The following AP3S2 variants were observed in gnomAD, a reference collection of about 807,000 sequenced individuals.
AP3S2 encodes the protein AP-3 complex subunit sigma-2.
A neutral mutation model predicts 23.4 loss-of-function variants in AP3S2; 22 were observed. That is an observed-to-expected ratio of 0.94 (90% confidence interval 0.67 to 1.34). The LOEUF is 1.34. Among genes scored for constraint, AP3S2 ranks in the 40% most tolerant of loss-of-function variants. AP3S2 has a pLI of 0.00. For missense variants in AP3S2, 241 were observed against 236.9 expected (o/e 1.02, Z -0.11); for synonymous variants, 86 against 87.1 (o/e 0.99, Z 0.07).
In AP3S2 at chr15:89,832,108, T is replaced by A. The variant is rs1489154744; in HGVS notation, c.*3407A>T. On this transcript the variant is annotated 3_prime_UTR_variant, in exon 6 of 6. Coordinates refer to ENST00000336418, the MANE Select transcript of AP3S2 (RefSeq NM_005829.5). ...CACCAGGCACTTAGAAATTGCATAA[T>A]GAAAGAATTTCAGATTTTTATTAGT... 1 of 152,154 alleles carries A rather than the reference T, an allele frequency of 6.6e-6. No individual in the cohort carries two copies. 9.4% of individuals were successfully genotyped at this position (152,154 alleles called of 1,614,324 possible). A position where few individuals can be genotyped will look rare whatever the true frequency, so the allele number is the denominator to read the frequency against.
chr15:89,891,379 CTG>C (rs1211403557), intron 1 of AP3S2, among the ~76,000 whole-genome samples: 1 of 152,174 alleles, frequency 6.6e-6, no homozygotes. Flanking sequence ...CCACAATGAG[CTG>C]GGTGCGGTGG....
At chr15:89,841,766 A>T (rs1363704408) in intron 4 of AP3S2, among the ~76,000 whole-genome samples, 3 of 152,166 alleles carry the variant, frequency 2.0e-5, no homozygotes, top group African/African-American at 7.2e-5. Context: ...CTCCTCCAAC[A>T]AACATCCTGC....
chr15:89,862,581 T>C (rs754334791), intron 4 of AP3S2, among the ~76,000 whole-genome samples: 1 of 152,100 alleles, frequency 6.6e-6, no homozygotes, highest in African/African-American at 2.4e-5. Context: ...AAGAAGGACA[T>C]TACAGAAAAA....
At chr15:89,843,762 C>G (rs950092983) in intron 4 of AP3S2, among the ~76,000 whole-genome samples, 1 of 152,138 alleles carries the variant, frequency 6.6e-6, no homozygotes. Flanking sequence ...GAGCCAAGAT[C>G]GTGCCACTGC....
chr15:89,836,026 T>TCAAA (rs112350158), intron 5 of AP3S2, among the ~76,000 whole-genome samples: 2 of 151,618 alleles, frequency 1.3e-5, no homozygotes, highest in African/African-American at 4.9e-5. Flanking sequence ...AGACTCTGTC[T>TCAAA]CAAACAAACA....
At chr15:89,855,418 A>G (rs1201996583) in intron 4 of AP3S2, among the ~76,000 whole-genome samples, 1 of 92,012 alleles carries the variant, frequency 1.1e-5, no homozygotes, top group Non-Finnish European at 2.2e-5. Context: ...CTGCCTAGGA[A>G]AACCAGAGAC....
At chr15:89,874,103 T>C (rs1896385081) in intron 3 of AP3S2, among the ~76,000 whole-genome samples, 1 of 146,238 alleles carries the variant, frequency 6.8e-6, no homozygotes, top group Non-Finnish European at 1.5e-5. Flanking sequence ...AGGCTTTCTC[T>C]GTAGCTTAAG....
Position 89,889,073 on chromosome 15 carries a change from ATGT to A in AP3S2, c.134_136del (p.Asn45del). On this transcript the variant is annotated inframe_deletion, in exon 2 of 6. Transcript: ENST00000336418. ...CCTTCCACCCTCCAAGAAGTTACAG[ATGT>A]TGTCATCCCGCTTGAGGACTAGATG... is the stretch of plus-strand genomic sequence containing the variant. The A allele has an allele frequency of 6.2e-7, 1 of 1,614,164 alleles. No homozygotes were observed.
chr15:89,893,751 G>A lies in AP3S2; in HGVS notation c.69+130C>T, dbSNP rs192475681. On this transcript the variant is annotated intron_variant, in intron 1 of 5. Coordinates refer to ENST00000336418, the MANE Select transcript of AP3S2 (RefSeq NM_005829.5). ...CGCCTAGATTAAATGCTTAAGTAGG[G>A]CGAGGGTCATGCTCGGTGCAGGAGC... is the stretch of plus-strand genomic sequence containing the variant. The A allele has an allele frequency of 7.0e-6, 6 of 861,756 alleles. No homozygotes were observed. The East Asian group carries it at 1.4e-4, about 20-fold the overall frequency. 53.4% of individuals were successfully genotyped at this position (861,756 alleles called of 1,614,324 possible). A position where few individuals can be genotyped will look rare whatever the true frequency, so the allele number is the denominator to read the frequency against.
intron 3 of AP3S2, among the ~76,000 whole-genome samples, chr15:89,882,406 C>T (rs1003248025): frequency 2.0e-5 from 3 of 151,110 alleles, no homozygotes; most frequent in African/African-American, 4.9e-5. Flanking sequence ...TCTTGTTGCC[C>T]GGGCCAGAGT....
intron 4 of AP3S2, among the ~76,000 whole-genome samples, chr15:89,846,424 C>T (rs1035861051): frequency 8.6e-5 from 13 of 152,010 alleles, no homozygotes; most frequent in African/African-American, 3.1e-4. Context: ...GTGGCATGAT[C>T]TCGGCTCATT....
chr15:89,877,276 G>A (rs1287004348), intron 3 of AP3S2: 1 of 1,296,944 alleles, frequency 7.7e-7, no homozygotes. Flanking sequence ...TTCAACGTGA[G>A]AAATGGATGC....
intron 4 of AP3S2, among the ~76,000 whole-genome samples, chr15:89,863,222 A>C (rs1028585987): frequency 2.0e-5 from 3 of 152,202 alleles, no homozygotes; most frequent in African/African-American, 7.2e-5. Flanking sequence ...TAGGACTGAA[A>C]ACCAGGCTAT....
intron 4 of AP3S2, among the ~76,000 whole-genome samples, chr15:89,839,079 C>A (rs760278663): frequency 6.6e-6 from 1 of 152,154 alleles, no homozygotes; most frequent in East Asian, 1.9e-4. Flanking sequence ...GCTTGACAAT[C>A]AAAAATGTCT....
intron 3 of AP3S2, among the ~76,000 whole-genome samples, chr15:89,886,748 A>G (rs1188518329): frequency 3.3e-5 from 5 of 152,192 alleles, no homozygotes; most frequent in Admixed American, 6.5e-5. Context: ...CACTTTTCAG[A>G]TGGTAGATTC....
At chr15:89,850,483 C>T (rs543199576) in intron 4 of AP3S2, among the ~76,000 whole-genome samples, 1 of 152,206 alleles carries the variant, frequency 6.6e-6, no homozygotes, top group Non-Finnish European at 1.5e-5. Context: ...AGCACAGGCA[C>T]ATGAGAGCAG....
chr15:89,859,009 G>A (rs919912783), intron 4 of AP3S2, among the ~76,000 whole-genome samples: 2 of 151,074 alleles, frequency 1.3e-5, no homozygotes, highest in East Asian at 4.1e-4. Context: ...CCTTGCTTTT[G>A]TTTTTTTCTT....
chr15:89,855,971 A>G (rs1430564005), intron 4 of AP3S2, among the ~76,000 whole-genome samples: 1 of 147,508 alleles, frequency 6.8e-6, no homozygotes, highest in Admixed American at 6.8e-5. Flanking sequence ...AAAAAAAAGA[A>G]TCAATGAAAT....
intron 4 of AP3S2, among the ~76,000 whole-genome samples, chr15:89,846,728 G>A (rs1461406693): frequency 6.6e-6 from 1 of 152,138 alleles, no homozygotes; most frequent in Non-Finnish European, 1.5e-5. Context: ...GGGTTTCACT[G>A]TGTTAGCCAG....
Sources: gnomAD v4.1 joint callset for allele counts (sites outside exome capture counted in the v4.1 genomes callset) on GRCh38, gnomAD v4.1.1 for gene constraint, MANE v1.5 for transcripts, NCBI Gene and HGNC (gene_info 2026-07-23, HGNC 2026-07-21) for gene names.